The following IGDCC4 variants were observed in gnomAD, a reference collection of about 807,000 sequenced individuals.
IGDCC4 encodes the protein immunoglobulin superfamily DCC subclass member 4, also known as likely ortholog of mouse neighbor of Punc E11.
IGDCC4 carries 72 observed loss-of-function variants against 116.6 expected under a neutral mutation model. That is an observed-to-expected ratio of 0.62 (90% CI 0.51 to 0.75). The LOEUF is 0.75. Ranked by LOEUF, IGDCC4 falls within the 30% of genes least tolerant of loss-of-function variation. IGDCC4 has a pLI of 0.00. For synonymous variants in IGDCC4, 709 were observed against 719.9 expected, an observed-to-expected ratio of 0.98 and a Z score of 0.24; for missense variants, 1,501 against 1,662.4, an observed-to-expected ratio of 0.90 and a Z score of 1.69.
chr15:65,413,962 C>A (rs1048941680), intron 1 of IGDCC4, among the ~76,000 whole-genome samples: 1 of 152,208 alleles, frequency 6.6e-6, no homozygotes, highest in Non-Finnish European at 1.5e-5. Context: ...TGATTATTCA[C>A]GACATGGACA....
At position 65,411,380 on chromosome 15, in the gene IGDCC4, G is replaced by A; in HGVS notation, c.71-10C>T. ...GGCAACAGCAGCTCCCCTGCATAGAGGAGGAGCACGGGGCCATCAGTGTAT... is the reference window on the plus strand; with the variant it reads ...GGCAACAGCAGCTCCCCTGCATAGAAGAGGAGCACGGGGCCATCAGTGTAT... On this transcript the variant is annotated splice_polypyrimidine_tract_variant and intron_variant, in intron 1 of 19. Transcript: ENST00000352385. 6.5e-7 allele frequency: 1 copy of A among 1,544,382 alleles called. No individual in the cohort carries two copies. The highest frequency in any genetic ancestry group is 8.8e-7 in the Non-Finnish European group (1 of 1,142,370).
Position 65,403,610 on chromosome 15 carries a change from G to C in IGDCC4, c.564-1123C>G, listed in dbSNP as rs529561054. 4.6e-5 allele frequency among the ~76,000 whole-genome samples: 7 copies of C among 152,230 alleles called. No homozygotes were observed. In the East Asian group the frequency reaches 1.4e-3, roughly 29 times the overall value. ...GTATTTTCCCAGGATCTCACAGGTG[G>C]AGCAGAGTGAAAACTCGAACCCAAG... On this transcript the variant is annotated intron_variant, in intron 3 of 19. Transcript: ENST00000352385.
At chr15:65,394,967 C>G (rs1404031780) in intron 8 of IGDCC4, 127 bp downstream of exon 8, 3 of 1,065,108 alleles carry the variant, frequency 2.8e-6, no homozygotes, top group Non-Finnish European at 4.0e-6. Flanking sequence ...CGCCCACTCT[C>G]TTACGGGGCA....
intron 1 of IGDCC4, among the ~76,000 whole-genome samples, chr15:65,412,246 G>A (rs909753518): frequency 6.6e-6 from 1 of 151,912 alleles, no homozygotes; most frequent in African/African-American, 2.4e-5. Flanking sequence ...GGGTGCAGTG[G>A]CTCACACCTG....
Position 65,383,808 on chromosome 15 carries a change from C to T in IGDCC4, c.*201G>A. ...ATGTAGCTATGTCTCGTATGTCTTT[C>T]ACATGTCACATGTGTATCACAAAGA... is the stretch of plus-strand genomic sequence containing the variant. On this transcript the variant is annotated 3_prime_UTR_variant, in exon 20 of 20. Transcript: ENST00000352385. 1 of 497,742 alleles carries T rather than the reference C, an allele frequency of 2.0e-6. No individual in the cohort carries two copies. Among genetic ancestry groups the T allele is most frequent in the Non-Finnish European group, 3.5e-6 (1 of 282,820 alleles). The allele number at this position is 497,742 out of a possible 1,614,324, so 30.8% of individuals were successfully genotyped here. A position where few individuals can be genotyped will look rare whatever the true frequency, so the allele number is the denominator to read the frequency against.
chr15:65,406,743 G>C (rs2063044449), intron 3 of IGDCC4, among the ~76,000 whole-genome samples: 1 of 152,144 alleles, frequency 6.6e-6, no homozygotes, highest in African/African-American at 2.4e-5. Context: ...TGCGAGCCTA[G>C]CTTATTTATA....
chr15:65,410,042 G>T, intron 3 of IGDCC4, 136 bp downstream of exon 3: 2 of 1,035,310 alleles, frequency 1.9e-6, no homozygotes, highest in Non-Finnish European at 2.8e-6. Flanking sequence ...CATGAGCCAG[G>T]AGTCAGGCGG....
chr15:65,385,761 C>T, intron 18 of IGDCC4, 70 bp downstream of exon 18: 1 of 1,259,420 alleles, frequency 7.9e-7, no homozygotes. Context: ...CTCGCATAGC[C>T]ACGCGTTGTG....
Position 65,398,273 on chromosome 15 carries a change from C to T in IGDCC4, c.842-1284G>A, listed in dbSNP as rs1595784039. On this transcript the variant is annotated intron_variant, in intron 5 of 19. Coordinates refer to ENST00000352385, the MANE Select transcript of IGDCC4 (RefSeq NM_020962.3). ...AAACAGCCGGACACAGTGGCTCACA[C>T]CTGTAATCCCAGCACTTTGGGAGGC... is the stretch of plus-strand genomic sequence containing the variant. Among the ~76,000 whole-genome samples the T allele has an allele frequency of 2.0e-5, 3 of 152,254 alleles. No individual in the cohort carries two copies. In the South Asian group the frequency reaches 6.2e-4, roughly 32 times the overall value.
rs2091451867 is a variant in IGDCC4 at position 65,385,905 on chromosome 15, C to T, written c.3106G>A (p.Val1036Met). The T allele has an allele frequency of 5.0e-6, 8 of 1,612,448 alleles. No individual in the cohort carries two copies. In the African/African-American group the frequency reaches 1.1e-4, roughly 22 times the overall value. ...CTGTGCACTTCAGCCCTGTCCTCCA[C>T]GTCTGAGGGTGGCGGGGACCAGTCC... ...PQDWSPPPSD[V>M]EDRAEVHSLM... The change falls in exon 18 of 20, where the codon GTG becomes ATG. Residue 1036 changes from valine to methionine, a missense_variant. Val to Met is a conservative substitution (Grantham distance 21). This residue lies in a region of IGDCC4 where 368 missense variants were observed against 355.6 expected (regional missense o/e 1.03). Transcript: ENST00000352385.
chr15:65,391,112 C>T (rs1030634741), intron 12 of IGDCC4, among the ~76,000 whole-genome samples: 2 of 152,158 alleles, frequency 1.3e-5, no homozygotes, highest in African/African-American at 2.4e-5. Context: ...CACCTGTAAT[C>T]CCAGCTGCTC....
rs62015034 is a variant in IGDCC4 at position 65,406,286 on chromosome 15, G to A, written c.564-3799C>T. ...CCCTTTTAAAATGTGTTCAAGTTAC[G>A]AAAGAGCGAGTTGATGTAAAGAAAA... On this transcript the variant is annotated intron_variant, in intron 3 of 19. Transcript: ENST00000352385. Among the ~76,000 whole-genome samples the A allele has an allele frequency of 7.2e-5, 11 of 152,164 alleles. No individual in the cohort carries two copies. In the East Asian group the frequency reaches 7.7e-4, roughly 11 times the overall value.
intron 1 of IGDCC4, among the ~76,000 whole-genome samples, chr15:65,417,244 C>T (rs2063153063): frequency 6.6e-6 from 1 of 152,132 alleles, no homozygotes; most frequent in Non-Finnish European, 1.5e-5. Context: ...TTACCACATG[C>T]TGAGCCCCTC....
At chr15:65,409,819 A>G (rs757990425) in intron 3 of IGDCC4, among the ~76,000 whole-genome samples, 2 of 152,154 alleles carry the variant, frequency 1.3e-5, no homozygotes, top group Admixed American at 1.3e-4. Flanking sequence ...GGGAGCCCTC[A>G]ACAGACAACC....
At position 65,396,940 on chromosome 15, in the gene IGDCC4, T is replaced by G; in HGVS notation, c.891A>C (p.Leu297=). The change falls in exon 6 of 20, where the codon CTA becomes CTC. Residue 297 remains leucine, a synonymous_variant. Transcript: ENST00000352385. ...TDVIVLGRTN[L]LIANAQPWHS... is the part of the protein sequence containing the mutation. ...GCCAGGGCTGCGCGTTGGCAATTAGTAGGTTGGTGCGGCCCAGGACGATGA... is the reference window on the plus strand; with the variant it reads ...GCCAGGGCTGCGCGTTGGCAATTAGGAGGTTGGTGCGGCCCAGGACGATGA... The G allele has an allele frequency of 6.3e-6, 10 of 1,577,118 alleles. No homozygotes were observed. Among genetic ancestry groups the G allele is most frequent in the Non-Finnish European group, 8.6e-6 (10 of 1,161,068 alleles).
In IGDCC4 at chr15:65,389,763, G is replaced by A. The variant is rs1051061807; in HGVS notation, c.2409-352C>T. ...GTTGCTTTTTATGCGACTTTCCTCCGCCAAACCTCAGGCTCCTCAGGCTCT... is the reference window on the plus strand; with the variant it reads ...GTTGCTTTTTATGCGACTTTCCTCCACCAAACCTCAGGCTCCTCAGGCTCT... On this transcript the variant is annotated intron_variant, in intron 13 of 19. Coordinates refer to ENST00000352385, the MANE Select transcript of IGDCC4 (RefSeq NM_020962.3). Among the ~76,000 whole-genome samples the A allele has an allele frequency of 6.6e-5, 10 of 152,222 alleles. No homozygotes were observed. In the East Asian group the frequency reaches 9.7e-4, roughly 15 times the overall value.
chr15:65,385,174 A>T (rs1595773993), intron 18 of IGDCC4, 59 bp from the exon 19 acceptor site: 1 of 1,498,652 alleles, frequency 6.7e-7, no homozygotes, highest in Non-Finnish European at 8.8e-7. Flanking sequence ...TGGGAGAGGG[A>T]AGCCCGGGGG....
In IGDCC4 at chr15:65,389,345, A is replaced by C; in HGVS notation, c.2475T>G (p.Ser825=). Residue 825 remains serine (S), a synonymous_variant, in exon 14 of 20, where the codon TCT becomes TCG. Transcript: ENST00000352385. ...PFTKYEFAVQ[S]HGVDMDGPFG... ...AAGGCCCATCCATGTCCACGCCGTG[A>C]GACTGCACTGCAAACTCGTATTTGG... is the stretch of plus-strand genomic sequence containing the variant. 6.2e-7 allele frequency: 1 copy of C among 1,614,188 alleles called. No individual in the cohort carries two copies. Among genetic ancestry groups the C allele is most frequent in the South Asian group, 1.1e-5 (1 of 91,084 alleles).
intron 1 of IGDCC4, among the ~76,000 whole-genome samples, chr15:65,419,745 C>CA (rs1357178022): frequency 1.3e-5 from 2 of 152,274 alleles, no homozygotes; most frequent in East Asian, 1.9e-4. Flanking sequence ...CCCTACCCTC[C>CA]AAATTCTGAC....
Sources: gnomAD v4.1 joint callset for allele counts (sites outside exome capture counted in the v4.1 genomes callset) on GRCh38, gnomAD v4.1.1 for gene constraint, gnomAD v4.1.1 regional missense constraint, MANE v1.5 for transcripts, NCBI Gene and HGNC (gene_info 2026-07-23, HGNC 2026-07-21) for gene names.